ABCB7: variants seen among roughly 807,000 people sequenced by gnomAD.
The protein encoded by ABCB7 is ATP binding cassette subfamily B member 7.
Under a neutral mutation model 54.4 loss-of-function variants are expected in ABCB7, and 7 were observed. The observed-to-expected ratio is 0.13, with a 90% confidence interval of 0.07 to 0.24. The LOEUF (loss-of-function observed/expected upper bound fraction) is 0.24. ABCB7 is among the 10% of genes least tolerant of loss of function. ABCB7 has a pLI of 1.00. For synonymous variants in ABCB7, 218 were observed against 207.1 expected (o/e 1.05, Z -0.45); for missense variants, 356 against 570.4 (o/e 0.62, Z 3.83).
chrX:75,070,403 T>C lies in ABCB7; in HGVS notation c.1327A>G (p.Thr443Ala). 1 of 1,209,820 alleles carries C rather than the reference T, an allele frequency of 8.3e-7. No individual in the cohort carries two copies. Among genetic ancestry groups the C allele is most frequent in the Non-Finnish European group, 1.1e-6 (1 of 894,146 alleles). ...ETRQALIDMN[T>A]LFTLLKVDTQ... ...TCTACCTTGAGTAGAGTAAACAAGG[T>C]GTTCATATCTATGAGTGCTTGTCTA... The change falls in exon 10 of 16, where the codon ACC becomes GCC. Residue 443 changes from threonine (T) to alanine (A), a missense_variant. Physicochemically the swap from Thr to Ala is moderately conservative, Grantham distance 58. Coordinates refer to ENST00000373394, the MANE Select transcript of ABCB7 (RefSeq NM_001271696.3).
intron 1 of ABCB7, among the ~76,000 whole-genome samples, chrX:75,138,922 C>T (rs1192688973): frequency 3.8e-5 from 4 of 105,337 alleles, no homozygotes; most frequent in South Asian, 4.5e-4. Flanking sequence ...GCAGGGGAAT[C>T]GCTTGAACCC....
At chrX:75,089,553 C>A (rs5981764) in intron 4 of ABCB7, among the ~76,000 whole-genome samples, 1 of 109,135 alleles carries the variant, frequency 9.2e-6, no homozygotes, top group Admixed American at 9.8e-5. Flanking sequence ...AAAGTATAAT[C>A]GGAATGTTAA....
At chrX:75,069,696 G>A (rs898684540) in intron 10 of ABCB7, among the ~76,000 whole-genome samples, 11 of 109,903 alleles carry the variant, frequency 1.0e-4, no homozygotes, top group African/African-American at 3.7e-4. Flanking sequence ...GGGTTGGGGA[G>A]GGAGAAGGGA....
chrX:75,076,944 T>A (rs186994199), intron 4 of ABCB7, among the ~76,000 whole-genome samples: 1 of 111,488 alleles, frequency 9.0e-6, no homozygotes, highest in Non-Finnish European at 1.9e-5. Flanking sequence ...AAAAATGCTG[T>A]CTCCATTATC....
In ABCB7 at chrX:75,135,496, C is replaced by T. The variant is rs374210080; in HGVS notation, c.168+20609G>A. ...TATGAGGCCAGCACCAATCTGATAC[C>T]AAAACCTGGCAGAGATACAACAACA... On this transcript the variant is annotated intron_variant, in intron 1 of 15. Transcript: ENST00000373394. Among the ~76,000 whole-genome samples, 7 of 111,070 alleles carry T rather than the reference C, an allele frequency of 6.3e-5. No individual in the cohort carries two copies. The South Asian group carries it at 2.7e-3, about 42-fold the overall frequency.
intron 1 of ABCB7, among the ~76,000 whole-genome samples, chrX:75,117,855 C>G (rs1464867068): frequency 2.7e-5 from 3 of 111,787 alleles, no homozygotes; most frequent in African/African-American, 9.8e-5. Context: ...CCTCCCTGAG[C>G]TCTTTGCCTT....
At chrX:75,144,794 C>G (rs1232136206) in intron 1 of ABCB7, among the ~76,000 whole-genome samples, 2 of 110,383 alleles carry the variant, frequency 1.8e-5, no homozygotes, top group Non-Finnish European at 3.8e-5. Context: ...AGAGGAGAAA[C>G]CACTGAAATG....
chrX:75,090,930 T>G (rs143269876), intron 4 of ABCB7, among the ~76,000 whole-genome samples: 1 of 111,452 alleles, frequency 9.0e-6, no homozygotes, highest in Non-Finnish European at 1.9e-5. Context: ...CATTGATAAA[T>G]TGAATTGGTC....
intron 13 of ABCB7, 98 bp downstream of exon 13, chrX:75,064,972 T>C (rs1272809927): frequency 4.0e-6 from 4 of 996,086 alleles, no homozygotes; most frequent in Non-Finnish European, 2.8e-6. Flanking sequence ...GAGCACTACA[T>C]TTGAAGTCTC....
intron 3 of ABCB7, among the ~76,000 whole-genome samples, chrX:75,109,891 T>C (rs1240442842): frequency 1.8e-5 from 2 of 111,804 alleles, no homozygotes; most frequent in Non-Finnish European, 3.8e-5. Flanking sequence ...AATGGATTTA[T>C]AAAAAGAAGG....
chrX:75,074,772 T>C (rs1014611388), intron 6 of ABCB7, among the ~76,000 whole-genome samples: 1 of 111,300 alleles, frequency 9.0e-6, no homozygotes, highest in Non-Finnish European at 1.9e-5. Flanking sequence ...TTCTCACTTA[T>C]AAGTGGGAGC....
At chrX:75,130,310 T>G (rs747486760) in intron 1 of ABCB7, among the ~76,000 whole-genome samples, 1 of 112,260 alleles carries the variant, frequency 8.9e-6, no homozygotes, top group Non-Finnish European at 1.9e-5. Flanking sequence ...AAGGCAACAA[T>G]TTAGCTAGCA....
chrX:75,138,103 TAGG>T (rs2082024896), intron 1 of ABCB7, among the ~76,000 whole-genome samples: 1 of 111,443 alleles, frequency 9.0e-6, no homozygotes, highest in Non-Finnish European at 1.9e-5. Flanking sequence ...CATTAGTCAT[TAGG>T]AGAATGCAAA....
intron 1 of ABCB7, among the ~76,000 whole-genome samples, chrX:75,134,999 G>A (rs751878435): frequency 9.1e-6 from 1 of 110,428 alleles, no homozygotes; most frequent in Admixed American, 9.7e-5. Flanking sequence ...AAATGGAGAT[G>A]AGAAAACTCA....
chrX:75,134,523 A>T, intron 1 of ABCB7, among the ~76,000 whole-genome samples: 1 of 112,142 alleles, frequency 8.9e-6, no homozygotes, highest in Non-Finnish European at 1.9e-5. Context: ...TAGAATATAC[A>T]TTCTTCTCAT....
At chrX:75,150,475 G>A (rs1040049558) in intron 1 of ABCB7, among the ~76,000 whole-genome samples, 82 of 110,460 alleles carry the variant, frequency 7.4e-4, no homozygotes, top group African/African-American at 2.5e-3. Flanking sequence ...TTTTGGTCAA[G>A]ACTGAGCACC....
intron 1 of ABCB7, among the ~76,000 whole-genome samples, chrX:75,122,519 T>C (rs1408070979): frequency 8.9e-6 from 1 of 112,796 alleles, no homozygotes; most frequent in Non-Finnish European, 1.9e-5. Context: ...TGATTTCATT[T>C]CCCTTGTGCC....
chrX:75,152,656 CT>C (rs930169181), intron 1 of ABCB7, among the ~76,000 whole-genome samples: 48 of 103,471 alleles, frequency 4.6e-4, no homozygotes, highest in Admixed American at 7.3e-4. Flanking sequence ...CCTTCAGGTC[CT>C]TTTTTTTTTT....
intron 4 of ABCB7, among the ~76,000 whole-genome samples, chrX:75,088,271 C>CA (rs1432872074): frequency 2.7e-5 from 3 of 111,323 alleles, no homozygotes; most frequent in Admixed American, 9.5e-5. Flanking sequence ...GTCTAGCTTT[C>CA]AAAAAAAATT....
Sources: allele counts gnomAD v4.1 joint callset (sites outside exome capture counted in the v4.1 genomes callset), GRCh38; gene constraint gnomAD v4.1.1; transcripts MANE v1.5; gene names NCBI Gene and HGNC (gene_info 2026-07-23, HGNC 2026-07-21).